The following TMTC4 variants were observed in gnomAD, a reference collection of about 807,000 sequenced individuals.
The protein encoded by TMTC4 is protein O-mannosyl-transferase TMTC4.
A neutral mutation model predicts 86.0 loss-of-function variants in TMTC4; 65 were observed. That is an observed-to-expected ratio of 0.76 (90% CI 0.62 to 0.93). The LOEUF (loss-of-function observed/expected upper bound fraction) is 0.93, where lower values mean the gene tolerates loss of function less well. Ranked by LOEUF, TMTC4 falls within the 40% of genes least tolerant of loss-of-function variation. The pLI is 0.00. For synonymous variants in TMTC4, 379 were observed against 382.5 expected (o/e 0.99, Z 0.11); for missense variants, 866 against 948.1 (o/e 0.91, Z 1.14).
chr13:100,651,496 CAAAAAAAAAAAAA>C, intron 6 of TMTC4, among the ~76,000 whole-genome samples: 1 of 73,062 alleles, frequency 1.4e-5, no homozygotes, highest in East Asian at 4.3e-4. Flanking sequence ...ATTTATGCAC[CAAAAAAAAAAAAA>C]AAAAAAAAAA....
chr13:100,674,588 G>C (rs1887599279), intron 1 of TMTC4, 156 bp downstream of exon 1: 1 of 982,328 alleles, frequency 1.0e-6, no homozygotes, highest in African/African-American at 1.8e-5. Context: ...CCGCAGCTCA[G>C]GTCCCGGAAC....
chr13:100,640,340 C>A (rs1882852743), intron 7 of TMTC4, among the ~76,000 whole-genome samples: 1 of 151,874 alleles, frequency 6.6e-6, no homozygotes, highest in South Asian at 2.1e-4. Flanking sequence ...ATTAATAGTG[C>A]CAAGGTTGAA....
Position 100,646,284 on chromosome 13 carries a change from C to T in TMTC4, c.641-3973G>A, listed in dbSNP as rs528664283. Among the ~76,000 whole-genome samples, 4 of 152,282 alleles carry T rather than the reference C, an allele frequency of 2.6e-5. No homozygotes were observed. In the East Asian group the frequency reaches 7.7e-4, roughly 29 times the overall value. On this transcript the variant is annotated intron_variant, in intron 6 of 18. Transcript: ENST00000342624. ...AAATTGTTCTGACTAAATCAGCAGGCCCGACTGACGCTGGAAGGGCAGTAT... is the reference window on the plus strand; with the variant it reads ...AAATTGTTCTGACTAAATCAGCAGGTCCGACTGACGCTGGAAGGGCAGTAT...
chr13:100,636,836 A>G, intron 9 of TMTC4, 102 bp from the exon 10 acceptor site: 2 of 1,199,656 alleles, frequency 1.7e-6, no homozygotes, highest in Non-Finnish European at 2.4e-6. Context: ...GCTTCTGCTC[A>G]ATGAAAGCAG....
intron 6 of TMTC4, among the ~76,000 whole-genome samples, chr13:100,643,521 C>T (rs1642982908): frequency 1.3e-5 from 2 of 152,208 alleles, no homozygotes; most frequent in Admixed American, 1.3e-4. Context: ...AGAATGCTTG[C>T]AAATGCAAAA....
At chr13:100,661,334 C>T (rs774831393) in intron 5 of TMTC4, among the ~76,000 whole-genome samples, 1 of 152,114 alleles carries the variant, frequency 6.6e-6, no homozygotes, top group Non-Finnish European at 1.5e-5. Flanking sequence ...TTCAGTTATA[C>T]CTGTTGGCAC....
At chr13:100,618,651 T>C (rs1410108813) in intron 15 of TMTC4, among the ~76,000 whole-genome samples, 1 of 152,060 alleles carries the variant, frequency 6.6e-6, no homozygotes, top group Non-Finnish European at 1.5e-5. Context: ...CCGCAGTGTT[T>C]GTGTCCCTGG....
At chr13:100,643,034 C>A (rs1319770357) in intron 6 of TMTC4, among the ~76,000 whole-genome samples, 1 of 152,154 alleles carries the variant, frequency 6.6e-6, no homozygotes, top group African/African-American at 2.4e-5. Context: ...CCAGTAACCA[C>A]CACTGGTCCC....
intron 12 of TMTC4, among the ~76,000 whole-genome samples, chr13:100,626,999 C>T (rs551942255): frequency 4.6e-5 from 7 of 152,280 alleles, no homozygotes; most frequent in South Asian, 2.1e-4. Flanking sequence ...CTTTCCGCCA[C>T]GTGAGGACAC....
chr13:100,637,867 T>A lies in TMTC4; in HGVS notation c.834+63A>T. On this transcript the variant is annotated intron_variant, in intron 8 of 18. Transcript: ENST00000342624. The stretch of plus-strand genomic sequence containing the variant: ...TCACAAGGAATATTTGAGAATGGCA[T>A]TTTAAATCAGCTGGTACTTGACATT... 7 of 1,548,412 alleles carry A rather than the reference T, an allele frequency of 4.5e-6. No individual in the cohort carries two copies. In the South Asian group the frequency reaches 8.3e-5, roughly 18 times the overall value.
intron 17 of TMTC4, among the ~76,000 whole-genome samples, chr13:100,607,577 G>A (rs1876856384): frequency 6.7e-6 from 1 of 149,960 alleles, no homozygotes; most frequent in South Asian, 2.1e-4. Flanking sequence ...TGTTGGTGTG[G>A]GGATAGTTTT....
chr13:100,666,017 G>A (rs550851270), intron 3 of TMTC4: 25 of 456,592 alleles, frequency 5.5e-5, no homozygotes, highest in Middle Eastern at 3.3e-4. Flanking sequence ...GAAGGGCTTC[G>A]GCAGAGGATC....
intron 16 of TMTC4, among the ~76,000 whole-genome samples, chr13:100,613,874 T>G (rs1039112790): frequency 1.5e-5 from 2 of 136,266 alleles, no homozygotes; most frequent in Non-Finnish European, 3.1e-5. Context: ...CGTTTCGCTC[T>G]TGTTGCCCAG....
intron 15 of TMTC4, among the ~76,000 whole-genome samples, chr13:100,617,171 G>A (rs1346558648): frequency 2.6e-5 from 4 of 151,806 alleles, no homozygotes; most frequent in East Asian, 1.9e-4. Flanking sequence ...TCGCCCAGGC[G>A]GGAGCGCAGT....
intron 9 of TMTC4, 104 bp downstream of exon 9, chr13:100,637,434 A>C: frequency 7.0e-7 from 1 of 1,434,098 alleles, no homozygotes; most frequent in Non-Finnish European, 9.4e-7. Flanking sequence ...TGTATTGGGG[A>C]TTTTGTTGGC....
chr13:100,644,383 G>GT lies in TMTC4; in HGVS notation c.641-2073dup, dbSNP rs576505723. ...CTCCCAAAGTGCTGGGATTACAGGC[G>GT]TGAGTTATTGCGCCCGGCCGGGAGG... is the stretch of plus-strand genomic sequence containing the variant. On this transcript the variant is annotated intron_variant, in intron 6 of 18. Transcript: ENST00000342624. Among the ~76,000 whole-genome samples the GT allele has an allele frequency of 7.9e-5, 12 of 152,236 alleles. No individual in the cohort carries two copies. In the South Asian group the frequency reaches 2.1e-3, roughly 26 times the overall value.
rs745650322 is a variant in TMTC4 at position 100,636,591 on chromosome 13, C to G, written c.1143G>C (p.Trp381Cys). The change falls in exon 10 of 19, where the codon TGG becomes TGC. Residue 381 changes from tryptophan (W) to cysteine (C), a missense_variant. By Grantham distance (215) the Trp-to-Cys change is radical. Coordinates refer to ENST00000342624, the MANE Select transcript of TMTC4 (RefSeq NM_032813.5). ...GGCATATCAGGCCAATTAGGCAGAACCAGAGTGCTGCAAGTGCAATTACCC... is the reference window on the plus strand; with the variant it reads ...GGCATATCAGGCCAATTAGGCAGAAGCAGAGTGCTGCAAGTGCAATTACCC... ...DWRVIALAALWFCLIGLICQA... is the reference protein window; with the variant it reads ...DWRVIALAALCFCLIGLICQA... 1 of 1,614,110 alleles carries G rather than the reference C, an allele frequency of 6.2e-7. No individual in the cohort carries two copies. The highest frequency in any genetic ancestry group is 2.2e-5 in the East Asian group (1 of 44,906).
At chr13:100,611,613 C>CA (rs1050158885) in intron 17 of TMTC4, among the ~76,000 whole-genome samples, 3 of 152,056 alleles carry the variant, frequency 2.0e-5, no homozygotes, top group Admixed American at 1.3e-4. Flanking sequence ...AAAAAAACAA[C>CA]AAAAAAATGC....
At chr13:100,607,853 A>G (rs1287678158) in intron 17 of TMTC4, among the ~76,000 whole-genome samples, 1 of 152,182 alleles carries the variant, frequency 6.6e-6, no homozygotes, top group East Asian at 1.9e-4. Context: ...ATGTCAGTTC[A>G]AAGTCAGTGT....
Sources: allele counts gnomAD v4.1 joint callset (sites outside exome capture counted in the v4.1 genomes callset), GRCh38; gene constraint gnomAD v4.1.1; transcripts MANE v1.5; gene names NCBI Gene and HGNC (gene_info 2026-07-23, HGNC 2026-07-21).